The following CECR2 variants were observed in gnomAD, a reference collection of about 807,000 sequenced individuals.
The protein encoded by CECR2 is CECR2 histone acetyl-lysine reader, also known as chromatin remodeling regulator CECR2.
A neutral mutation model predicts 154.5 loss-of-function variants in CECR2; 30 were observed. The ratio of observed to expected loss-of-function variants is 0.19; its 90% CI spans 0.15 to 0.26. The LOEUF (loss-of-function observed/expected upper bound fraction) is 0.26, where lower values mean the gene tolerates loss of function less well. Among genes scored for constraint, CECR2 ranks in the 10% least tolerant of loss-of-function variants. CECR2 has a pLI of 1.00. For missense variants in CECR2, 1,743 were observed against 1,829.3 expected (o/e 0.95, Z 0.86); for synonymous variants, 725 against 683.7 (o/e 1.06, Z -0.94).
chr22:17,503,538 A>G (rs968029503), intron 6 of CECR2, among the ~76,000 whole-genome samples: 33 of 152,228 alleles, frequency 2.2e-4, no homozygotes, highest in African/African-American at 6.8e-4. Flanking sequence ...GGAGGCACAT[A>G]CCAGTTTGCA....
At chr22:17,480,453 C>T (rs2055289050) in intron 2 of CECR2, among the ~76,000 whole-genome samples, 1 of 147,498 alleles carries the variant, frequency 6.8e-6, no homozygotes, top group South Asian at 2.1e-4. Context: ...CACACACACA[C>T]ACACACAGAG....
intron 1 of CECR2, among the ~76,000 whole-genome samples, chr22:17,452,273 A>G (rs2054783295): frequency 1.3e-5 from 2 of 152,102 alleles, no homozygotes; most frequent in Admixed American, 6.6e-5. Context: ...GGGTTTCACC[A>G]TGTTCTTCAG....
intron 1 of CECR2, among the ~76,000 whole-genome samples, chr22:17,434,648 C>G (rs1207395363): frequency 6.6e-6 from 1 of 150,906 alleles, no homozygotes; most frequent in East Asian, 2.0e-4. Context: ...GCCCGCACCC[C>G]CCCTGCTGCT....
At chr22:17,364,557 A>G (rs1190686886), upstream of CECR2, among the ~76,000 whole-genome samples, 2 of 151,856 alleles carry the variant, frequency 1.3e-5, no homozygotes, top group African/African-American at 4.8e-5. Flanking sequence ...CACGCCTTGT[A>G]ACCCTGCTCA....
chr22:17,361,690 C>T (rs1175491083), intron 1 of CECR2, among the ~76,000 whole-genome samples: 2 of 150,898 alleles, frequency 1.3e-5, no homozygotes, highest in Non-Finnish European at 2.9e-5. Context: ...TTGCAGTGAG[C>T]CGAGATTGAG....
intron 1 of CECR2, among the ~76,000 whole-genome samples, chr22:17,444,998 G>T (rs542330031): frequency 6.6e-5 from 10 of 152,222 alleles, no homozygotes; most frequent in African/African-American, 2.4e-4. Flanking sequence ...GAACTGATTT[G>T]ATCTTTGACT....
intron 2 of CECR2, among the ~76,000 whole-genome samples, chr22:17,482,761 CTTTTT>C (rs34165377): frequency 1.6e-5 from 2 of 125,302 alleles, no homozygotes; most frequent in Non-Finnish European, 3.4e-5. Flanking sequence ...TTTTGAACTC[CTTTTT>C]TTTTTTTTTT....
At chr22:17,446,764 G>A (rs897565904) in intron 1 of CECR2, among the ~76,000 whole-genome samples, 1 of 152,152 alleles carries the variant, frequency 6.6e-6, no homozygotes, top group Admixed American at 6.5e-5. Flanking sequence ...AGAGTGAGCA[G>A]CAGCAAGATT....
In CECR2 at chr22:17,447,033, C is replaced by CTGTTTTTTTTTTTTT. The variant is rs1339121774; in HGVS notation, c.127-30554_127-30553insGTTTTTTTTTTTTTT. Among the ~76,000 whole-genome samples the CTGTTTTTTTTTTTTT allele has an allele frequency of 2.4e-3, 269 of 114,052 alleles. 28 individuals carry two copies. The highest frequency in any genetic ancestry group is 4.7e-3 in the African/African-American group (126 of 26,680). The allele number at this position is 114,052 out of a possible 152,430, so 74.8% of individuals were successfully genotyped here. On this transcript the variant is annotated intron_variant, in intron 1 of 18. Transcript: ENST00000262608. ...GAGTGCTGAGTGGTGCGTTTACAAT[C>CTGTTTTTTTTTTTTT]TTTTTTTTTTTTTTTTTTTGAGACA...
intron 1 of CECR2, among the ~76,000 whole-genome samples, chr22:17,383,328 C>T (rs2063221728): frequency 6.6e-6 from 1 of 152,230 alleles, no homozygotes; most frequent in Non-Finnish European, 1.5e-5. Context: ...TGAAAGATTT[C>T]TCCATAGCAT....
chr22:17,504,461 G>A (rs2055798157), intron 6 of CECR2, among the ~76,000 whole-genome samples: 1 of 142,582 alleles, frequency 7.0e-6, no homozygotes. Flanking sequence ...ATTTGAGACG[G>A]AGTCTCACTC....
rs1473679479 is a variant in CECR2 at position 17,396,994 on chromosome 22, C to T, written c.126+27085C>T. 3.3e-5 allele frequency among the ~76,000 whole-genome samples: 5 copies of T among 152,088 alleles called. No homozygotes were observed. In the East Asian group the frequency reaches 7.7e-4, roughly 23 times the overall value. On this transcript the variant is annotated intron_variant, in intron 1 of 18. Coordinates refer to ENST00000262608, the MANE Select transcript of CECR2 (RefSeq NM_001290047.2). The stretch of plus-strand genomic sequence containing the variant: ...GTGCATCTTCAGGGCAGTGTCATCC[C>T]GAGGCAGTGTTGTGGGAATCTGTGG...
intron 8 of CECR2, among the ~76,000 whole-genome samples, chr22:17,522,767 G>A (rs551777650): frequency 6.6e-6 from 1 of 152,210 alleles, no homozygotes; most frequent in African/African-American, 2.4e-5. Flanking sequence ...CACTTTGGGA[G>A]GCTGAGGTGG....
rs200548967 is a variant in CECR2 at position 17,394,769 on chromosome 22, C to T, written c.126+24860C>T. ...TTTATCAATGCTAAGTGTTCCAATC[C>T]ATGAGCATGAGATGTTTTTCCATTT... On this transcript the variant is annotated intron_variant, in intron 1 of 18. Transcript: ENST00000262608. Among the ~76,000 whole-genome samples, 48 of 152,286 alleles carry T rather than the reference C, an allele frequency of 3.2e-4. 1 individual carries two copies. In the East Asian group the frequency reaches 8.3e-3, roughly 26 times the overall value.
At chr22:17,414,670 C>G (rs2054130265) in intron 1 of CECR2, among the ~76,000 whole-genome samples, 1 of 151,606 alleles carries the variant, frequency 6.6e-6, no homozygotes, top group Non-Finnish European at 1.5e-5. Context: ...CCCCCTCCCC[C>G]CACCCCACGA....
At chr22:17,459,921 G>T (rs147845883) in intron 1 of CECR2, among the ~76,000 whole-genome samples, 34 of 152,260 alleles carry the variant, frequency 2.2e-4, no homozygotes, top group African/African-American at 7.5e-4. Flanking sequence ...GTTTATGAAG[G>T]GCCACATGTA....
At chr22:17,549,771 A>G (rs958839585) in intron 17 of CECR2, among the ~76,000 whole-genome samples, 7 of 139,672 alleles carry the variant, frequency 5.0e-5, no homozygotes, top group African/African-American at 1.6e-4. Context: ...CACCACACCC[A>G]GCTAACTTTT....
In CECR2 at chr22:17,384,726, G is replaced by C. The variant is rs77827576; in HGVS notation, c.126+14817G>C. Among the ~76,000 whole-genome samples the C allele has an allele frequency of 9.7e-3, 1,481 of 152,324 alleles. 56 individuals carry two copies. In the East Asian group the frequency reaches 0.14, roughly 14 times the overall value. ...AGGGCCGTAGGATTTTCAGAATGGT[G>C]AGTGAGCACTGGCTTCCAGTAAGTC... On this transcript the variant is annotated intron_variant, in intron 1 of 18. Coordinates refer to ENST00000262608, the MANE Select transcript of CECR2 (RefSeq NM_001290047.2).
At chr22:17,412,381 TTC>T (rs1358609628) in intron 1 of CECR2, among the ~76,000 whole-genome samples, 1 of 152,168 alleles carries the variant, frequency 6.6e-6, no homozygotes, top group Non-Finnish European at 1.5e-5. Context: ...TAGCTCTTCT[TTC>T]CTTGTTCATT....
Sources: gnomAD v4.1 joint callset for allele counts (sites outside exome capture counted in the v4.1 genomes callset) on GRCh38, gnomAD v4.1.1 for gene constraint, MANE v1.5 for transcripts, NCBI Gene and HGNC (gene_info 2026-07-23, HGNC 2026-07-21) for gene names.